Variants in GALNTL6 observed in about 807,000 individuals in gnomAD.
GALNTL6 encodes polypeptide N-acetylgalactosaminyltransferase-like 6.
In GALNTL6, 46 loss-of-function variants were observed where a neutral mutation model predicts 73.7. The observed-to-expected ratio is 0.62, with a 90% CI of 0.49 to 0.80. GALNTL6 has a LOEUF of 0.80. GALNTL6 is among the 30% of genes least tolerant of loss of function. The pLI, the probability that GALNTL6 is intolerant of heterozygous loss-of-function variation, is 0.00. For missense variants in GALNTL6, 604 were observed against 755.0 expected (o/e 0.80, Z 2.34); for synonymous variants, 259 against 263.7 (o/e 0.98, Z 0.17).
chr4:172,593,650 A>T (rs1737737695), intron 5 of GALNTL6, among the ~76,000 whole-genome samples: 1 of 151,880 alleles, frequency 6.6e-6, no homozygotes, highest in South Asian at 2.1e-4. Flanking sequence ...ATTACTCATT[A>T]AGCATGACTT....
At chr4:172,761,342 G>A (rs891744366) in intron 5 of GALNTL6, among the ~76,000 whole-genome samples, 6 of 151,694 alleles carry the variant, frequency 4.0e-5, no homozygotes, top group African/African-American at 1.5e-4. Flanking sequence ...CACACTTTAG[G>A]GACCAATTTA....
At chr4:172,695,779 C>G (rs1733650500) in intron 5 of GALNTL6, among the ~76,000 whole-genome samples, 1 of 152,084 alleles carries the variant, frequency 6.6e-6, no homozygotes, top group African/African-American at 2.4e-5. Context: ...AACCCTGTCT[C>G]TACTAAAAAT....
chr4:172,156,568 C>CTATATATATATAT (rs1560945829), intron 2 of GALNTL6, among the ~76,000 whole-genome samples: 3 of 115,796 alleles, frequency 2.6e-5, no homozygotes, highest in African/African-American at 1.1e-4. Context: ...TATATATATA[C>CTATATATATATAT]ATACTATATA....
In GALNTL6 at chr4:172,353,271, A is replaced by G. The variant is rs542764732; in HGVS notation, c.553+4582A>G. ...CAGTGAGCCAAGATCGTGCCACTGC[A>G]CTCTAGCCTGGGTGTCAGAGCAAAA... On this transcript the variant is annotated intron_variant, in intron 5 of 12. Coordinates refer to ENST00000506823, the MANE Select transcript of GALNTL6 (RefSeq NM_001034845.3). Among the ~76,000 whole-genome samples, 7 of 152,156 alleles carry G rather than the reference A, an allele frequency of 4.6e-5. No individual in the cohort carries two copies. In the South Asian group the frequency reaches 1.5e-3, roughly 32 times the overall value.
intron 2 of GALNTL6, among the ~76,000 whole-genome samples, chr4:172,005,564 C>G (rs900098003): frequency 5.1e-4 from 78 of 152,204 alleles, no homozygotes; most frequent in African/African-American, 1.8e-3. Flanking sequence ...ACAGTATATC[C>G]CCTCTCCCAT....
intron 8 of GALNTL6, among the ~76,000 whole-genome samples, chr4:172,895,885 G>A (rs959502683): frequency 6.6e-6 from 1 of 151,822 alleles, no homozygotes; most frequent in Non-Finnish European, 1.5e-5. Context: ...TCTTTTGTTT[G>A]ATCAGTTCTG....
chr4:171,832,433 G>A (rs1735002864), intron 2 of GALNTL6, among the ~76,000 whole-genome samples: 1 of 151,090 alleles, frequency 6.6e-6, no homozygotes, highest in African/African-American at 2.4e-5. Flanking sequence ...GCAAGTTTTG[G>A]ATAGTATTTT....
intron 5 of GALNTL6, among the ~76,000 whole-genome samples, chr4:172,368,371 A>G (rs1353677544): frequency 1.3e-5 from 2 of 152,062 alleles, no homozygotes; most frequent in Non-Finnish European, 2.9e-5. Flanking sequence ...ACAGTGCGAG[A>G]CTCCATCTCA....
chr4:172,235,228 G>A (rs1483072661), intron 3 of GALNTL6, among the ~76,000 whole-genome samples: 3 of 151,782 alleles, frequency 2.0e-5, no homozygotes, highest in African/African-American at 7.3e-5. Context: ...GTTTGTTTGA[G>A]ATAGAATTTC....
chr4:171,842,385 G>A (rs1396225412), intron 2 of GALNTL6, among the ~76,000 whole-genome samples: 1 of 152,058 alleles, frequency 6.6e-6, no homozygotes, highest in Non-Finnish European at 1.5e-5. Context: ...CCTCAAAGTA[G>A]ACACAAAAAA....
intron 2 of GALNTL6, among the ~76,000 whole-genome samples, chr4:171,976,265 T>C (rs1244683285): frequency 2.0e-5 from 3 of 152,212 alleles, no homozygotes; most frequent in Non-Finnish European, 4.4e-5. Flanking sequence ...ATGAGCTTAA[T>C]AGAAAATTTG....
At chr4:172,167,966 A>G (rs1734685226) in intron 2 of GALNTL6, among the ~76,000 whole-genome samples, 1 of 40,088 alleles carries the variant, frequency 2.5e-5, no homozygotes, top group Admixed American at 2.8e-4. Context: ...ACTCCGTCTC[A>G]AAAAAAAAAA....
chr4:172,321,918 G>A (rs1419370367), intron 4 of GALNTL6, among the ~76,000 whole-genome samples: 4 of 152,162 alleles, frequency 2.6e-5, no homozygotes, highest in Admixed American at 6.5e-5. Flanking sequence ...TCTGAAACTG[G>A]TGATCAGCAG....
At chr4:172,359,844 G>T (rs1285397610) in intron 5 of GALNTL6, among the ~76,000 whole-genome samples, 1 of 152,146 alleles carries the variant, frequency 6.6e-6, no homozygotes, top group African/African-American at 2.4e-5. Context: ...GGTGAGACAT[G>T]CATGATGAGT....
intron 2 of GALNTL6, among the ~76,000 whole-genome samples, chr4:172,079,460 G>A (rs987176852): frequency 4.6e-5 from 7 of 151,732 alleles, no homozygotes; most frequent in African/African-American, 1.7e-4. Flanking sequence ...TTCTCTTTCT[G>A]TAATTTTGAT....
intron 7 of GALNTL6, among the ~76,000 whole-genome samples, chr4:172,857,337 G>A (rs1488350776): frequency 2.0e-5 from 3 of 152,100 alleles, no homozygotes; most frequent in African/African-American, 7.2e-5. Flanking sequence ...TTCAGCTTTT[G>A]GCCTGAACAC....
At chr4:171,915,508 T>C (rs561880200) in intron 2 of GALNTL6, among the ~76,000 whole-genome samples, 1 of 152,296 alleles carries the variant, frequency 6.6e-6, no homozygotes, top group African/African-American at 2.4e-5. Context: ...TTAGTTTTGA[T>C]CTTAATTTGT....
At chr4:172,306,430 T>C (rs535218841) in intron 3 of GALNTL6, among the ~76,000 whole-genome samples, 4 of 152,238 alleles carry the variant, frequency 2.6e-5, no homozygotes, top group African/African-American at 9.6e-5. Context: ...AACAAAAATA[T>C]GTTGAAGAAA....
At chr4:171,980,111 A>T in intron 2 of GALNTL6, among the ~76,000 whole-genome samples, 1 of 152,226 alleles carries the variant, frequency 6.6e-6, no homozygotes, top group African/African-American at 2.4e-5. Context: ...TGCATAAAAT[A>T]ATAATAATAG....
Sources: gnomAD v4.1 joint callset for allele counts (sites outside exome capture counted in the v4.1 genomes callset) on GRCh38, gnomAD v4.1.1 for gene constraint, MANE v1.5 for transcripts, NCBI Gene and HGNC (gene_info 2026-07-23, HGNC 2026-07-21) for gene names.